The following LRRC75A variants were observed in gnomAD, a reference collection of about 807,000 sequenced individuals.
LRRC75A encodes the protein leucine-rich repeat-containing protein 75A.
Under a neutral mutation model 26.0 loss-of-function variants are expected in LRRC75A, and 12 were observed. The ratio of observed to expected loss-of-function variants is 0.46; its 90% CI spans 0.30 to 0.75. The LOEUF is 0.75. Among genes scored for constraint, LRRC75A ranks in the 30% least tolerant of loss-of-function variants. LRRC75A has a pLI of 0.08. For missense variants in LRRC75A, 410 were observed against 486.6 expected, an observed-to-expected ratio of 0.84 and a Z score of 1.48; for synonymous variants, 223 against 219.3, an observed-to-expected ratio of 1.02 and a Z score of -0.15.
chr17:16,477,403 G>A (rs1030043310), intron 1 of LRRC75A, among the ~76,000 whole-genome samples: 3 of 152,234 alleles, frequency 2.0e-5, no homozygotes. Context: ...CCTCCCTCTG[G>A]GTGAGCAGAG....
At chr17:16,485,655 TGTGTGTGTGTGTGTTC>T (rs2093844842) in intron 1 of LRRC75A, among the ~76,000 whole-genome samples, 1 of 130,292 alleles carries the variant, frequency 7.7e-6, no homozygotes, top group Non-Finnish European at 1.7e-5. Context: ...TGTGTGTGTG[TGTGTGTGTGTGTGTTC>T]GTGTGTGTGT....
rs1440685269 is a variant in LRRC75A at position 16,491,342 on chromosome 17, C to A, written c.246+403G>T. On this transcript the variant is annotated intron_variant, in intron 1 of 3. Coordinates refer to ENST00000470794, the MANE Select transcript of LRRC75A (RefSeq NM_001113567.3). This position sits in a 1 kb window ranked among gnomAD's most constrained non-coding sequence, Gnocchi z 5.9. ...CCAAGCCAGGTCCAACTGATAACCG[C>A]ATTCCTTGAGGACCCTCGGCCGGGA... Among the ~76,000 whole-genome samples, 1 of 152,246 alleles carries A rather than the reference C, an allele frequency of 6.6e-6. No individual in the cohort carries two copies. Among genetic ancestry groups the A allele is most frequent in the African/African-American group, 2.4e-5 (1 of 41,474 alleles).
chr17:16,465,005 A>G (rs73980140), intron 1 of LRRC75A, among the ~76,000 whole-genome samples: 1,925 of 152,324 alleles, frequency 0.013, 38 homozygotes, highest in African/African-American at 0.045. Context: ...GAGCTGGAGA[A>G]GGAGGGCAGA....
chr17:16,470,416 G>A (rs190933944), intron 1 of LRRC75A: 4 of 152,276 alleles, frequency 2.6e-5, no homozygotes, highest in Non-Finnish European at 4.4e-5. Flanking sequence ...GGACCCGCAT[G>A]TGCAAAGCTA....
intron 1 of LRRC75A, among the ~76,000 whole-genome samples, chr17:16,473,761 G>GT (rs923862371): frequency 3.3e-5 from 5 of 152,288 alleles, no homozygotes; most frequent in Admixed American, 3.3e-4. Context: ...CCAAGGCCAC[G>GT]TGGCCCCTGC....
intron 1 of LRRC75A, among the ~76,000 whole-genome samples, chr17:16,471,560 T>C (rs1182729497): frequency 5.9e-5 from 9 of 152,204 alleles, no homozygotes; most frequent in Admixed American, 5.9e-4. Context: ...AAGGACGTTA[T>C]TGCCAGAAAT....
chr17:16,488,727 A>C (rs2093851705), intron 1 of LRRC75A, among the ~76,000 whole-genome samples: 2 of 152,342 alleles, frequency 1.3e-5, no homozygotes, highest in South Asian at 4.1e-4. Context: ...CCTTCAAGGC[A>C]GCTGCCTGGC....
At chr17:16,482,585 C>A (rs1198591567) in intron 1 of LRRC75A, among the ~76,000 whole-genome samples, 1 of 152,184 alleles carries the variant, frequency 6.6e-6, no homozygotes, top group Non-Finnish European at 1.5e-5. Context: ...CTGGGCCTAG[C>A]GCCTGTGTCC....
intron 2 of LRRC75A, among the ~76,000 whole-genome samples, chr17:16,457,982 C>A (rs567139676): frequency 6.6e-6 from 1 of 151,492 alleles, no homozygotes; most frequent in East Asian, 2.0e-4. Flanking sequence ...TCAAAACAAA[C>A]AAACAAACAA....
At chr17:16,445,092 A>G (rs1392602954) in intron 3 of LRRC75A, among the ~76,000 whole-genome samples, 1 of 133,102 alleles carries the variant, frequency 7.5e-6, no homozygotes, top group Non-Finnish European at 1.6e-5. Context: ...CAGGTAATCC[A>G]CCCATCTCGG....
In LRRC75A at chr17:16,491,783, GC is replaced by G; in HGVS notation, c.207del (p.Arg70GlyfsTer22). ...QELLRMVRQG[R>X]REEAGTLLQH... ...TGCAGCAGCGTCCCCGCCTCCTCCC[GC>G]CGGCCCTGGCGCACCATCCGCAGCA... On this transcript the variant is annotated frameshift_variant, in exon 1 of 4. Coordinates refer to ENST00000470794, the MANE Select transcript of LRRC75A (RefSeq NM_001113567.3). LOFTEE classifies it high-confidence loss of function. The surrounding 1 kb of genome is among the most constrained non-coding windows in gnomAD (Gnocchi z 5.9). 1 of 1,424,990 alleles carries G rather than the reference GC, an allele frequency of 7.0e-7. No individual in the cohort carries two copies. Among genetic ancestry groups the G allele is most frequent in the Non-Finnish European group, 9.2e-7 (1 of 1,090,230 alleles). The allele number at this position is 1,424,990 out of a possible 1,614,324, so 88.3% of individuals were successfully genotyped here. A position where few individuals can be genotyped will look rare whatever the true frequency, so the allele number is the denominator to read the frequency against.
intron 1 of LRRC75A, chr17:16,470,591 G>A (rs909814661): frequency 6.6e-6 from 1 of 151,542 alleles, no homozygotes; most frequent in Non-Finnish European, 1.5e-5. Flanking sequence ...GCCTCAGCTG[G>A]GTGCCAGGGC....
chr17:16,483,621 C>A (rs1876280643), intron 1 of LRRC75A, among the ~76,000 whole-genome samples: 1 of 152,190 alleles, frequency 6.6e-6, no homozygotes, highest in Admixed American at 6.5e-5. Flanking sequence ...ATTTCGCCCA[C>A]CACTCCTTCA....
intron 2 of LRRC75A, among the ~76,000 whole-genome samples, chr17:16,457,470 G>A (rs1194383329): frequency 1.3e-5 from 2 of 152,106 alleles, no homozygotes; most frequent in East Asian, 1.9e-4. Context: ...GAGGAGAGAC[G>A]GATGGGGGAG....
At chr17:16,473,885 A>G (rs2093813396) in intron 1 of LRRC75A, among the ~76,000 whole-genome samples, 1 of 152,188 alleles carries the variant, frequency 6.6e-6, no homozygotes, top group African/African-American at 2.4e-5. Context: ...GATGTTTGGC[A>G]GCTTTGCTCA....
Position 16,443,710 on chromosome 17 carries a change from G to A in LRRC75A, c.913C>T (p.Pro305Ser). The A allele has an allele frequency of 1.2e-6, 2 of 1,612,862 alleles. No homozygotes were observed. The highest frequency in any genetic ancestry group is 1.7e-6 in the Non-Finnish European group (2 of 1,179,444). The change falls in exon 4 of 4, where the codon CCA (proline) becomes TCA (serine). Residue 305 changes from proline to serine, a missense_variant. By Grantham distance (74) the Pro-to-Ser change is moderately conservative (BLOSUM62 -1). Transcript: ENST00000470794. ...LPTILELGEGPGSGEEVREGT... is the reference protein window; with the variant it reads ...LPTILELGEGSGSGEEVREGT... ...TCCCGGACCTCCTCCCCACTGCCTG[G>A]GCCCTCACCCAGCTCCAGGATGGTG...
At chr17:16,479,263 C>T (rs913478443) in intron 1 of LRRC75A, among the ~76,000 whole-genome samples, 7 of 152,210 alleles carry the variant, frequency 4.6e-5, no homozygotes, top group African/African-American at 1.7e-4. Context: ...TTCAGCTCCT[C>T]GATTCAAGAG....
chr17:16,462,443 C>T lies in LRRC75A; in HGVS notation c.247-57G>A. ...GCTGGCTGCCCACCCAGCTCGCCCA[C>T]CATCCCCAAGAGAAGTAGGCACAGA... On this transcript the variant is annotated intron_variant, in intron 1 of 3. Coordinates refer to ENST00000470794, the MANE Select transcript of LRRC75A (RefSeq NM_001113567.3). The surrounding 1 kb of genome is among the most constrained non-coding windows in gnomAD (Gnocchi z 4.6). The T allele has an allele frequency of 7.5e-6, 12 of 1,606,330 alleles. No individual in the cohort carries two copies. Among genetic ancestry groups the T allele is most frequent in the Non-Finnish European group, 9.3e-6 (11 of 1,177,698 alleles).
chr17:16,491,754 G>T lies in LRRC75A; in HGVS notation c.237C>A (p.His79Gln). The T allele has an allele frequency of 1.4e-6, 2 of 1,409,020 alleles. No homozygotes were observed. Among genetic ancestry groups the T allele is most frequent in the South Asian group, 1.4e-5 (1 of 69,984 alleles). The allele number at this position is 1,409,020 out of a possible 1,614,324, so 87.3% of individuals were successfully genotyped here. Reference protein sequence around the residue: ...RREEAGTLLQHLRQDLGMEST... With the variant: ...RREEAGTLLQQLRQDLGMEST... ...CCCTCCCCGCGCTCACCTGGCGCAG[G>T]TGCTGCAGCAGCGTCCCCGCCTCCT... The change falls in exon 1 of 4, where the codon CAC becomes CAA. Residue 79 changes from histidine (H) to glutamine (Q), a missense_variant. His to Gln is a conservative substitution (Grantham distance 24, BLOSUM62 0). Transcript: ENST00000470794. The surrounding 1 kb of genome is among the most constrained non-coding windows in gnomAD (Gnocchi z 5.9).
Sources: allele counts gnomAD v4.1 joint callset (sites outside exome capture counted in the v4.1 genomes callset), GRCh38; gene constraint gnomAD v4.1.1; non-coding constraint Gnocchi (gnomAD v3.1); transcripts MANE v1.5; gene names NCBI Gene and HGNC (gene_info 2026-07-23, HGNC 2026-07-21).